Variants in PRRC2B observed in about 807,000 individuals in gnomAD.
PRRC2B encodes the protein proline rich coiled-coil 2B.
Under a neutral mutation model 242.3 loss-of-function variants are expected in PRRC2B, and 68 were observed. The observed-to-expected ratio is 0.28, with a 90% confidence interval of 0.23 to 0.34. The LOEUF (loss-of-function observed/expected upper bound fraction) is 0.34, where lower values mean the gene tolerates loss of function less well. PRRC2B is among the 10% of genes least tolerant of loss of function. The probability of loss-of-function intolerance (pLI) is 1.00; values close to 1 mark genes in which losing one functional copy is unlikely to be tolerated. For synonymous variants in PRRC2B, 1,228 were observed against 1,173.6 expected (o/e 1.05, Z -0.95); for missense variants, 2,835 against 2,954.8 (o/e 0.96, Z 0.94).
chr9:131,444,867 C>T (rs1303756570), intron 6 of PRRC2B, among the ~76,000 whole-genome samples: 1 of 152,190 alleles, frequency 6.6e-6, no homozygotes, highest in Non-Finnish European at 1.5e-5. Context: ...TTGTGTAGCA[C>T]TGGCTGGAAA....
chr9:131,380,632 C>T (rs1836744523), intron 1 of PRRC2B, among the ~76,000 whole-genome samples: 1 of 151,352 alleles, frequency 6.6e-6, no homozygotes, highest in Admixed American at 6.6e-5. Flanking sequence ...GTAATCCCAG[C>T]ACTTTGGAGG....
chr9:131,487,092 A>G lies in PRRC2B; in HGVS notation c.5857-75A>G. ...TTCCAGCAGCCATGTGGAGAGGGGC[A>G]GGGGAGGTGGGAGGGGAAGAACCAC... On this transcript the variant is annotated intron_variant, in intron 26 of 31. Coordinates refer to ENST00000683519, the MANE Select transcript of PRRC2B (RefSeq NM_013318.4). The surrounding 1 kb of genome is among the most constrained non-coding windows in gnomAD (Gnocchi z 5.3). The G allele has an allele frequency of 7.4e-7, 1 of 1,345,940 alleles. No homozygotes were observed. Among genetic ancestry groups the G allele is most frequent in the African/African-American group, 1.4e-5 (1 of 69,608 alleles). 83.4% of individuals were successfully genotyped at this position (1,345,940 alleles called of 1,614,324 possible). A position where few individuals can be genotyped will look rare whatever the true frequency, so the allele number is the denominator to read the frequency against.
intron 19 of PRRC2B, 92 bp from the exon 20 acceptor site, chr9:131,481,634 C>T: frequency 1.4e-5 from 15 of 1,048,090 alleles, no homozygotes; most frequent in Non-Finnish European, 2.2e-5. Flanking sequence ...TGGATTTCTG[C>T]AAGCTGTGCC....
rs1238277653 is a variant in PRRC2B at position 131,420,504 on chromosome 9, T to C, written c.-51-9590T>C. On this transcript the variant is annotated intron_variant, in intron 1 of 31. Transcript: ENST00000683519. ...TTCTTTCTTTCTTTCTTTTTTTTTT[T>C]TTTTTTGAGATGGAGGCTCCCTCTG... Among the ~76,000 whole-genome samples, 94 of 103,922 alleles carry C rather than the reference T, an allele frequency of 9.0e-4. 2 individuals are homozygous for C. The highest frequency in any genetic ancestry group is 1.3e-3 in the Non-Finnish European group (62 of 48,954). The allele number at this position is 103,922 out of a possible 152,430, so 68.2% of individuals were successfully genotyped here.
In PRRC2B at chr9:131,494,660, G is replaced by T. The variant is rs770384436; in HGVS notation, c.6555+174G>T. Among the ~76,000 whole-genome samples the T allele has an allele frequency of 6.6e-6, 1 of 152,230 alleles. No individual in the cohort carries two copies. ...GCCGCCCGCGTCCCTCCTGGCGAAGGCATTTCTCCTCTTGACGGGCGTCTG... is the reference window on the plus strand; with the variant it reads ...GCCGCCCGCGTCCCTCCTGGCGAAGTCATTTCTCCTCTTGACGGGCGTCTG... On this transcript the variant is annotated intron_variant, in intron 31 of 31. Coordinates refer to ENST00000683519, the MANE Select transcript of PRRC2B (RefSeq NM_013318.4). The surrounding 1 kb of genome is among the most constrained non-coding windows in gnomAD (Gnocchi z 4.3).
intron 9 of PRRC2B, among the ~76,000 whole-genome samples, chr9:131,453,962 C>T (rs1942998506): frequency 6.6e-6 from 1 of 152,038 alleles, no homozygotes; most frequent in African/African-American, 2.4e-5. Context: ...GTACAACTAC[C>T]ACCACTATTC....
At chr9:131,420,391 T>A (rs940182978) in intron 1 of PRRC2B, among the ~76,000 whole-genome samples, 2 of 151,782 alleles carry the variant, frequency 1.3e-5, no homozygotes, top group Admixed American at 1.3e-4. Context: ...GGAACAGAAA[T>A]GTGGGCGCTT....
At chr9:131,393,740 C>T (rs954658852), upstream of PRRC2B, among the ~76,000 whole-genome samples, 2 of 151,280 alleles carry the variant, frequency 1.3e-5, no homozygotes, top group Non-Finnish European at 3.0e-5. Flanking sequence ...CGGGCCCAGG[C>T]CGGGCCCATG....
chr9:131,443,378 C>T (rs1838676088), intron 5 of PRRC2B, among the ~76,000 whole-genome samples: 4 of 151,756 alleles, frequency 2.6e-5, no homozygotes, highest in South Asian at 4.1e-4. Context: ...CCTCATGATC[C>T]GCCCGCGTCG....
In PRRC2B at chr9:131,446,242, C is replaced by A. The variant is rs1369367653; in HGVS notation, c.614-159C>A. 6.6e-6 allele frequency among the ~76,000 whole-genome samples: 1 copy of A among 152,222 alleles called. No homozygotes were observed. Among genetic ancestry groups the A allele is most frequent in the African/African-American group, 2.4e-5 (1 of 41,452 alleles). On this transcript the variant is annotated intron_variant, in intron 6 of 31. Transcript: ENST00000683519. This position sits in a 1 kb window ranked among gnomAD's most constrained non-coding sequence, Gnocchi z 4.1. ...CTCATTGGCCAGGGGTCTGCCCCAA[C>A]CTTCCCTGACAGATTTAACAGTTCT...
intron 1 of PRRC2B, among the ~76,000 whole-genome samples, chr9:131,387,477 C>T (rs1836840882): frequency 6.6e-6 from 1 of 150,410 alleles, no homozygotes; most frequent in Non-Finnish European, 1.5e-5. Context: ...TCTTTCAATA[C>T]AATCAAGTTG....
At position 131,386,137 on chromosome 9, in the gene PRRC2B, G is replaced by A. The variant is rs114437948; in HGVS notation, c.-56+12406G>A. On this transcript the variant is annotated intron_variant, in intron 1 of 1. Transcript: ENST00000682525. ...GTTTGTTTGTTTTTTTTAAGAGATA[G>A]GGTCTTGCTCTGTTGCCCAGGCTGG... Among the ~76,000 whole-genome samples the A allele has an allele frequency of 8.8e-4, 131 of 149,676 alleles. 3 individuals are homozygous for A. Among genetic ancestry groups the A allele is most frequent in the Middle Eastern group, 6.9e-3 (2 of 288 alleles).
chr9:131,488,167 C>T (rs1159772054), intron 28 of PRRC2B, 71 bp downstream of exon 28: 12 of 1,524,780 alleles, frequency 7.9e-6, no homozygotes, highest in African/African-American at 4.1e-5. Context: ...TTCTTTTCAC[C>T]CGCCTCTCAG....
At chr9:131,376,453 G>A (rs1836686440) in intron 1 of PRRC2B, among the ~76,000 whole-genome samples, 1 of 152,074 alleles carries the variant, frequency 6.6e-6, no homozygotes, top group Non-Finnish European at 1.5e-5. Flanking sequence ...CTGTGACAGA[G>A]ACTACTGGGT....
chr9:131,465,590 C>A (rs1943374214), intron 12 of PRRC2B, among the ~76,000 whole-genome samples: 1 of 152,206 alleles, frequency 6.6e-6, no homozygotes, highest in African/African-American at 2.4e-5. Context: ...ATTATCCTCG[C>A]TATCCCTGCC....
intron 1 of PRRC2B, among the ~76,000 whole-genome samples, chr9:131,397,146 G>C (rs1837083109): frequency 6.6e-6 from 1 of 152,174 alleles, no homozygotes; most frequent in African/African-American, 2.4e-5. Context: ...GCCCAGTCTG[G>C]CTCTATACTG....
At chr9:131,431,195 A>G (rs1838157191) in intron 2 of PRRC2B, among the ~76,000 whole-genome samples, 1 of 151,552 alleles carries the variant, frequency 6.6e-6, no homozygotes, top group Non-Finnish European at 1.5e-5. Flanking sequence ...CAGTGGTGTG[A>G]TCTTGGCTCA....
At chr9:131,481,115 C>G (rs1300249335) in intron 19 of PRRC2B, among the ~76,000 whole-genome samples, 3 of 151,770 alleles carry the variant, frequency 2.0e-5, no homozygotes, top group Non-Finnish European at 4.4e-5. Context: ...TCCTGGCTAA[C>G]ATGGTGAAAC....
chr9:131,489,152 T>G (rs1588283024), intron 28 of PRRC2B, among the ~76,000 whole-genome samples: 2 of 152,012 alleles, frequency 1.3e-5, no homozygotes, highest in East Asian at 3.9e-4. Context: ...GCTTTTTCAA[T>G]TCACTCCCTC....
Sources: gnomAD v4.1 joint callset for allele counts (sites outside exome capture counted in the v4.1 genomes callset) on GRCh38, gnomAD v4.1.1 for gene constraint, Gnocchi (gnomAD v3.1) non-coding constraint, MANE v1.5 for transcripts, NCBI Gene and HGNC (gene_info 2026-07-23, HGNC 2026-07-21) for gene names.